UBR1: variants seen among roughly 807,000 people sequenced by gnomAD.
UBR1 encodes E3 ubiquitin-protein ligase UBR1.
Under a neutral mutation model 242.1 loss-of-function variants are expected in UBR1, and 102 were observed. The ratio of observed to expected loss-of-function variants is 0.42; its 90% confidence interval spans 0.36 to 0.50. The LOEUF is 0.50. UBR1 is among the 20% of genes least tolerant of loss of function. The pLI is 0.01. For synonymous variants in UBR1, 675 were observed against 684.8 expected, an observed-to-expected ratio of 0.99 and a Z score of 0.22; for missense variants, 1,772 against 2,101.8, an observed-to-expected ratio of 0.84 and a Z score of 3.07.
chr15:42,991,224 C>A (rs1238188252), intron 33 of UBR1, among the ~76,000 whole-genome samples: 1 of 151,404 alleles, frequency 6.6e-6, no homozygotes, highest in Non-Finnish European at 1.5e-5. Flanking sequence ...TGCAGTGAGC[C>A]GAGATCGCAC....
At chr15:43,064,865 C>T (rs1231462137) in intron 6 of UBR1, among the ~76,000 whole-genome samples, 6 of 152,234 alleles carry the variant, frequency 3.9e-5, no homozygotes, top group South Asian at 2.1e-4. Flanking sequence ...CCACCACACC[C>T]GGCCCTATCT....
intron 15 of UBR1, among the ~76,000 whole-genome samples, chr15:43,039,359 A>AG (rs2033386311): frequency 6.6e-6 from 1 of 152,194 alleles, no homozygotes; most frequent in African/African-American, 2.4e-5. Context: ...TTCGTTGAGC[A>AG]ATGGTTTGTA....
intron 40 of UBR1, 74 bp downstream of exon 40, chr15:42,970,444 CAA>C: frequency 7.0e-7 from 1 of 1,437,106 alleles, no homozygotes; most frequent in Non-Finnish European, 9.7e-7. Context: ...TTAAATGATT[CAA>C]ATGTTACGTT....
chr15:42,951,512 C>G (rs1473931689), intron 45 of UBR1, among the ~76,000 whole-genome samples: 2 of 152,056 alleles, frequency 1.3e-5, no homozygotes. Flanking sequence ...CGAGAGCCAC[C>G]GCGCCCGGCC....
rs1421736259 is a variant in UBR1, at chr15:42,964,016, A to T, written c.4619T>A (p.Leu1540His). The T allele has an allele frequency of 1.2e-6, 2 of 1,613,158 alleles. No individual in the cohort carries two copies. The highest frequency in any genetic ancestry group is 1.7e-6 in the Non-Finnish European group (2 of 1,179,352). Reference protein sequence around the residue: ...TNSAEGEYSALCSYLSLPTNL... With the variant: ...TNSAEGEYSAHCSYLSLPTNL... ...TGTAGGTAAAGATAGATAGCTACAG[A>T]GTGCACTGTACTCTCCTTCTGCAGA... The change falls in exon 42 of 47, where the codon CTC becomes CAC. Residue 1540 changes from leucine to histidine, a missense_variant. Physicochemically the swap from Leu to His is moderately conservative, Grantham distance 99. Coordinates refer to ENST00000290650, the MANE Select transcript of UBR1 (RefSeq NM_174916.3).
At chr15:43,050,531 G>A (rs900654314) in intron 12 of UBR1, among the ~76,000 whole-genome samples, 2 of 152,110 alleles carry the variant, frequency 1.3e-5, no homozygotes, top group Non-Finnish European at 2.9e-5. Context: ...GCAACACGGT[G>A]AAACCCCGTC....
chr15:43,034,133 G>A (rs1020360160), intron 19 of UBR1, among the ~76,000 whole-genome samples: 3 of 152,004 alleles, frequency 2.0e-5, no homozygotes, highest in Non-Finnish European at 4.4e-5. Context: ...GCTACTTGGG[G>A]AGGCTGAGGC....
intron 15 of UBR1, 45 bp from the exon 16 acceptor site, chr15:43,038,277 T>A (rs1249591050): frequency 6.3e-7 from 1 of 1,578,778 alleles, no homozygotes; most frequent in African/African-American, 1.3e-5. Flanking sequence ...ACAAACCCAA[T>A]TTGTTAACTA....
chr15:43,002,919 A>G (rs749577048), intron 31 of UBR1, among the ~76,000 whole-genome samples: 2 of 152,244 alleles, frequency 1.3e-5, no homozygotes, highest in African/African-American at 4.8e-5. Flanking sequence ...CAGAGCAGAT[A>G]TAAATTTAAA....
intron 44 of UBR1, among the ~76,000 whole-genome samples, chr15:42,955,259 A>C (rs1482753485): frequency 6.6e-6 from 1 of 152,204 alleles, no homozygotes; most frequent in African/African-American, 2.4e-5. Flanking sequence ...CATATGACTG[A>C]GGACTACTAC....
chr15:43,087,322 G>A (rs893200623), intron 1 of UBR1, among the ~76,000 whole-genome samples: 26 of 152,054 alleles, frequency 1.7e-4, no homozygotes, highest in Non-Finnish European at 2.8e-4. Flanking sequence ...GGAGGATGGC[G>A]TGAACCCAGG....
chr15:43,034,624 C>T (rs540736122), intron 19 of UBR1, among the ~76,000 whole-genome samples: 3 of 152,038 alleles, frequency 2.0e-5, no homozygotes, highest in Admixed American at 6.6e-5. Flanking sequence ...TGGCCAGGCA[C>T]GGTGGCTCAC....
intron 29 of UBR1, among the ~76,000 whole-genome samples, chr15:43,008,730 TTCTC>T (rs779473981): frequency 6.6e-6 from 1 of 152,140 alleles, no homozygotes; most frequent in Non-Finnish European, 1.5e-5. Context: ...AGCACACACT[TTCTC>T]TCTTCTGAAG....
chr15:43,033,854 A>T (rs549667225), intron 19 of UBR1, among the ~76,000 whole-genome samples: 30 of 152,294 alleles, frequency 2.0e-4, no homozygotes, highest in African/African-American at 7.0e-4. Context: ...CTATAATCCC[A>T]GCAATTTGAG....
intron 29 of UBR1, among the ~76,000 whole-genome samples, chr15:43,009,711 T>A (rs1446564435): frequency 1.3e-5 from 2 of 152,214 alleles, no homozygotes; most frequent in Non-Finnish European, 2.9e-5. Context: ...CAGGATTTAA[T>A]CCAGGTAATC....
chr15:43,025,064 ATGTC>A, intron 24 of UBR1, 81 bp from the exon 25 acceptor site: 3 of 1,543,160 alleles, frequency 1.9e-6, no homozygotes, highest in Admixed American at 3.6e-5. Context: ...TAAAGTGCAA[ATGTC>A]AAAAAATAAT....
At chr15:42,955,717 A>T (rs1044240061) in intron 44 of UBR1, among the ~76,000 whole-genome samples, 1 of 152,230 alleles carries the variant, frequency 6.6e-6, no homozygotes, top group Non-Finnish European at 1.5e-5. Flanking sequence ...GCAGATGTGA[A>T]TATAATTCCT....
chr15:42,970,601 G>C lies in UBR1; in HGVS notation c.4376C>G (p.Pro1459Arg). The stretch of plus-strand genomic sequence containing the variant: ...ACTGTCTTCTTGAACCTGAGCAAGG[G>C]GTAGGCCTGAAAAAGAAATTCTGCA... ...QILLTVDTGLPLAQVQEDSEE... is the reference protein window; with the variant it reads ...QILLTVDTGLRLAQVQEDSEE... The change falls in exon 40 of 47, where the codon CCC (proline) becomes CGC (arginine). Residue 1459 changes from proline (P) to arginine (R), a missense_variant. By Grantham distance (103) the Pro-to-Arg change is moderately radical. Coordinates refer to ENST00000290650, the MANE Select transcript of UBR1 (RefSeq NM_174916.3). 1 of 1,613,556 alleles carries C rather than the reference G, an allele frequency of 6.2e-7. No individual in the cohort carries two copies. Among genetic ancestry groups the C allele is most frequent in the Non-Finnish European group, 8.5e-7 (1 of 1,179,978 alleles).
At chr15:43,078,879 G>C (rs1241482839) in intron 3 of UBR1, among the ~76,000 whole-genome samples, 1 of 150,798 alleles carries the variant, frequency 6.6e-6, no homozygotes, top group Admixed American at 6.6e-5. Context: ...AAACAGAAAT[G>C]GACAAAAAAG....
Sources: allele counts gnomAD v4.1 joint callset (sites outside exome capture counted in the v4.1 genomes callset), GRCh38; gene constraint gnomAD v4.1.1; transcripts MANE v1.5; gene names NCBI Gene and HGNC (gene_info 2026-07-23, HGNC 2026-07-21).